Variants in FEM1C observed in about 807,000 individuals in gnomAD.
FEM1C encodes the protein fem-1 homolog C.
Under a neutral mutation model 37.6 loss-of-function variants are expected in FEM1C, and 15 were observed. The ratio of observed to expected loss-of-function variants is 0.40; its 90% CI spans 0.27 to 0.61. The LOEUF is 0.61. Ranked by LOEUF, FEM1C falls within the 20% of genes least tolerant of loss-of-function variation. The probability of loss-of-function intolerance (pLI) is 0.42; values close to 1 mark genes in which losing one functional copy is unlikely to be tolerated. For synonymous variants in FEM1C, 287 were observed against 272.8 expected (o/e 1.05, Z -0.51); for missense variants, 532 against 749.7 (o/e 0.71, Z 3.39).
rs1336393936 is a variant in FEM1C at position 115,524,319 on chromosome 5, G to C, written c.1843C>G (p.Leu615Val). ...ATACAGTCAAGTTATCATCTATGAA[G>C]GGAAACAAAAGTCTCTAGCTTTTCT... ...IPEKLETFVS[L>V]HR Residue 615 changes from leucine to valine, a missense_variant, in exon 3 of 3, where the codon CTT (leucine) becomes GTT (valine). Around this residue, in one of 3 missense-constraint regions of FEM1C, gnomAD observed 237 missense variants for 260.5 expected, o/e 0.91. Transcript: ENST00000274457. The C allele has an allele frequency of 2.5e-6, 4 of 1,612,830 alleles. No individual in the cohort carries two copies. The highest frequency in any genetic ancestry group is 1.1e-5 in the South Asian group (1 of 91,022).
chr5:115,537,008 T>C (rs187374258), intron 2 of FEM1C, among the ~76,000 whole-genome samples: 2 of 152,142 alleles, frequency 1.3e-5, no homozygotes, highest in South Asian at 2.1e-4. Flanking sequence ...ACTCATCTAA[T>C]GACAGAAAAC....
intron 2 of FEM1C, among the ~76,000 whole-genome samples, chr5:115,542,314 CT>C (rs1468829470): frequency 6.6e-6 from 1 of 152,174 alleles, no homozygotes; most frequent in African/African-American, 2.4e-5. Context: ...GTTCTTCACT[CT>C]CAGTATTGAA....
chr5:115,526,307 G>T (rs1753890433), intron 2 of FEM1C, among the ~76,000 whole-genome samples: 1 of 152,052 alleles, frequency 6.6e-6, no homozygotes, highest in East Asian at 1.9e-4. Context: ...TCCCCAAAAA[G>T]CTCTCGTAAG....
intron 2 of FEM1C, among the ~76,000 whole-genome samples, chr5:115,540,537 C>T (rs1754218761): frequency 6.6e-6 from 1 of 151,818 alleles, no homozygotes; most frequent in Non-Finnish European, 1.5e-5. Context: ...AAAGAGAGAA[C>T]AGACATACCC....
At chr5:115,527,873 C>T (rs781134954) in intron 2 of FEM1C, among the ~76,000 whole-genome samples, 53 of 151,724 alleles carry the variant, frequency 3.5e-4, no homozygotes, top group Non-Finnish European at 5.6e-4. Context: ...TGGTGGCACG[C>T]GCCTGTAGTC....
In FEM1C at chr5:115,536,848, C is replaced by G. The variant is rs181839407; in HGVS notation, c.544+6102G>C. 8.0e-4 allele frequency among the ~76,000 whole-genome samples: 122 copies of G among 152,068 alleles called. 1 individual carries two copies. The highest frequency in any genetic ancestry group is 2.5e-3 in the African/African-American group (104 of 41,522). ...AACAAAGTTAAACGCTAAAAAATATCTGCATCCAAAGAGGTAAGATGCATT... is the reference window on the plus strand; with the variant it reads ...AACAAAGTTAAACGCTAAAAAATATGTGCATCCAAAGAGGTAAGATGCATT... On this transcript the variant is annotated intron_variant, in intron 2 of 2. Transcript: ENST00000274457.
intron 2 of FEM1C, among the ~76,000 whole-genome samples, chr5:115,542,544 T>A (rs1754262778): frequency 6.8e-6 from 1 of 147,196 alleles, no homozygotes. Context: ...ATATAGTAAT[T>A]TCTACTCCAA....
At position 115,538,650 on chromosome 5, in the gene FEM1C, C is replaced by T. The variant is rs555040318; in HGVS notation, c.544+4300G>A. On this transcript the variant is annotated intron_variant, in intron 2 of 2. Coordinates refer to ENST00000274457, the MANE Select transcript of FEM1C (RefSeq NM_020177.3). Reference sequence around the variant, plus strand: ...AACAAACAAACCACTCCAGTTAGTCCCCTGCTGAAAAACTTTTACTGGCAT... The same window carrying T: ...AACAAACAAACCACTCCAGTTAGTCTCCTGCTGAAAAACTTTTACTGGCAT... 2.4e-4 allele frequency among the ~76,000 whole-genome samples: 36 copies of T among 152,020 alleles called. 1 individual carries two copies. In the Middle Eastern group the frequency reaches 0.014, roughly 57 times the overall value.
At chr5:115,526,060 T>C (rs1159657021) in intron 2 of FEM1C, among the ~76,000 whole-genome samples, 1 of 151,996 alleles carries the variant, frequency 6.6e-6, no homozygotes, top group Non-Finnish European at 1.5e-5. Flanking sequence ...CAGGTCTTGC[T>C]ATGTTGCCCA....
intron 2 of FEM1C, among the ~76,000 whole-genome samples, chr5:115,540,697 C>G (rs1465199413): frequency 2.0e-5 from 3 of 152,062 alleles, no homozygotes; most frequent in Non-Finnish European, 4.4e-5. Flanking sequence ...CTCTCATATA[C>G]TATATCTCCA....
intron 2 of FEM1C, among the ~76,000 whole-genome samples, chr5:115,541,841 T>C (rs1019575092): frequency 6.6e-5 from 10 of 152,112 alleles, no homozygotes; most frequent in African/African-American, 2.4e-4. Context: ...AGCATGCTTG[T>C]ACATAGACAA....
At chr5:115,527,943 G>GT (rs560920227) in intron 2 of FEM1C, among the ~76,000 whole-genome samples, 39 of 138,614 alleles carry the variant, frequency 2.8e-4, no homozygotes, top group Non-Finnish European at 4.9e-4. Flanking sequence ...GGAGGTTGCA[G>GT]TAAGCAGAGA....
intron 2 of FEM1C, among the ~76,000 whole-genome samples, chr5:115,526,072 G>T (rs997607868): frequency 2.0e-5 from 3 of 151,724 alleles, no homozygotes; most frequent in Non-Finnish European, 4.4e-5. Flanking sequence ...TGTTGCCCAG[G>T]CTGGTTTTAA....
rs541423271 is a variant in FEM1C at position 115,537,901 on chromosome 5, T to C, written c.544+5049A>G. Among the ~76,000 whole-genome samples the C allele has an allele frequency of 1.2e-4, 19 of 152,178 alleles. No individual in the cohort carries two copies. The South Asian group carries it at 3.7e-3, about 30-fold the overall frequency. The stretch of plus-strand genomic sequence containing the variant: ...ACATCAATCATTATCTTAGTCTATC[T>C]GAATACCAACAGTTTTTAGTTTACA... On this transcript the variant is annotated intron_variant, in intron 2 of 2. Coordinates refer to ENST00000274457, the MANE Select transcript of FEM1C (RefSeq NM_020177.3).
At chr5:115,534,899 T>C (rs574254101) in intron 2 of FEM1C, among the ~76,000 whole-genome samples, 1 of 151,940 alleles carries the variant, frequency 6.6e-6, no homozygotes, top group Non-Finnish European at 1.5e-5. Context: ...AGGATTCTTA[T>C]TTTCTTGTTT....
At chr5:115,525,806 T>C (rs983378735) in intron 2 of FEM1C, among the ~76,000 whole-genome samples, 189 bp from the exon 3 acceptor site, 4 of 152,112 alleles carry the variant, frequency 2.6e-5, no homozygotes, top group Non-Finnish European at 4.4e-5. Context: ...ATTAAACTTA[T>C]TGAATAAATG....
chr5:115,537,117 C>G (rs1754145337), intron 2 of FEM1C, among the ~76,000 whole-genome samples: 4 of 152,138 alleles, frequency 2.6e-5, no homozygotes. Context: ...ATGTTCTGAT[C>G]AGATTTGCAT....
In FEM1C at chr5:115,524,542, A is replaced by T; in HGVS notation, c.1620T>A (p.His540Gln). ...TAATAAGGAGATTCATGATGTCTGG[A>T]TGGTTGTTAAGAGCAGCGATATGCA... ...SPLHIAALNN[H>Q]PDIMNLLIKS... The change falls in exon 3 of 3, where the codon CAT (histidine) becomes CAA (glutamine). Residue 540 changes from histidine to glutamine, a missense_variant. By Grantham distance (24) the His-to-Gln change is conservative. Transcript: ENST00000274457. 1 of 1,613,482 alleles carries T rather than the reference A, an allele frequency of 6.2e-7. No individual in the cohort carries two copies. Among genetic ancestry groups the T allele is most frequent in the Non-Finnish European group, 8.5e-7 (1 of 1,179,686 alleles).
chr5:115,524,274 C>A lies in FEM1C; in HGVS notation c.*34G>T, dbSNP rs373460859. On this transcript the variant is annotated 3_prime_UTR_variant, in exon 3 of 3. Coordinates refer to ENST00000274457, the MANE Select transcript of FEM1C (RefSeq NM_020177.3). ...ATTTATGAAACAACTGTTACCAATT[C>A]GTGCTTTAACAGTGCTAAAATACAG... 1.3e-6 allele frequency: 2 copies of A among 1,550,624 alleles called. No homozygotes were observed. Among genetic ancestry groups the A allele is most frequent in the East Asian group, 2.2e-5 (1 of 44,478 alleles).
Sources: gnomAD v4.1 joint callset for allele counts (sites outside exome capture counted in the v4.1 genomes callset) on GRCh38, gnomAD v4.1.1 for gene constraint, gnomAD v4.1.1 regional missense constraint, MANE v1.5 for transcripts, NCBI Gene and HGNC (gene_info 2026-07-23, HGNC 2026-07-21) for gene names.